Variants in MAP2K5 observed in about 807,000 individuals in gnomAD.
The protein encoded by MAP2K5 is dual specificity mitogen-activated protein kinase kinase 5.
In MAP2K5, 49 loss-of-function variants were observed where a neutral mutation model predicts 83.1. The observed-to-expected ratio is 0.59, with a 90% CI of 0.47 to 0.75. The LOEUF is 0.75. Ranked by LOEUF, MAP2K5 falls within the 30% of genes least tolerant of loss-of-function variation. The pLI is 0.00. For missense variants in MAP2K5, 457 were observed against 557.5 expected (o/e 0.82, Z 1.82); for synonymous variants, 202 against 191.8 (o/e 1.05, Z -0.44).
At position 67,732,959 on chromosome 15, in the gene MAP2K5, AG is replaced by A. The variant is rs537481757; in HGVS notation, c.1074+5021del. ...CTTGTAAGCAGATAGCTCTGTGGGG[AG>A]GGGGGGCTTAACAGCGACTGTGGGC... On this transcript the variant is annotated intron_variant, in intron 17 of 21. Transcript: ENST00000178640. Among the ~76,000 whole-genome samples the A allele has an allele frequency of 2.1e-4, 32 of 151,992 alleles. No homozygotes were observed. The East Asian group carries it at 4.8e-3, about 23-fold the overall frequency.
intron 7 of MAP2K5, among the ~76,000 whole-genome samples, chr15:67,597,520 A>AT (rs1004905551): frequency 5.9e-5 from 9 of 152,328 alleles, no homozygotes; most frequent in African/African-American, 1.2e-4. Flanking sequence ...AATTTCTGTG[A>AT]TTTTTTAAAT....
intron 16 of MAP2K5, among the ~76,000 whole-genome samples, chr15:67,714,676 A>G (rs1174310889): frequency 6.6e-6 from 1 of 152,148 alleles, no homozygotes; most frequent in Non-Finnish European, 1.5e-5. Flanking sequence ...TTTAGTTTCA[A>G]GAATGTGAGT....
intron 6 of MAP2K5, among the ~76,000 whole-genome samples, chr15:67,589,003 T>C (rs935358739): frequency 2.0e-5 from 3 of 151,882 alleles, no homozygotes; most frequent in Non-Finnish European, 4.4e-5. Flanking sequence ...TTTATTTTTT[T>C]AAATTTTTTT....
At position 67,757,238 on chromosome 15, in the gene MAP2K5, C is replaced by G. The variant is rs1006962806; in HGVS notation, c.1134+8637C>G. Among the ~76,000 whole-genome samples, 1 of 152,098 alleles carries G rather than the reference C, an allele frequency of 6.6e-6. No homozygotes were observed. The highest frequency in any genetic ancestry group is 1.5e-5 in the Non-Finnish European group (1 of 68,020). ...CTTTTGACTTTTTTGTAATAGCCAT[C>G]CTAACAAAATGTGAGGTGACATTTC... On this transcript the variant is annotated intron_variant, in intron 19 of 21. Coordinates refer to ENST00000178640, the MANE Select transcript of MAP2K5 (RefSeq NM_145160.3). The surrounding 1 kb of genome is among the most constrained non-coding windows in gnomAD (Gnocchi z 4.9).
Position 67,790,845 on chromosome 15 carries a change from A to T in MAP2K5, c.1243-15801A>T, listed in dbSNP as rs2090503804. On this transcript the variant is annotated intron_variant, in intron 21 of 21. Transcript: ENST00000178640. This position sits in a 1 kb window ranked among gnomAD's most constrained non-coding sequence, Gnocchi z 4.6. ...TGATAAGTACTGCAAAATTTAGGCC[A>T]CTGATAGTTATGACTATGGAACTGC... Among the ~76,000 whole-genome samples, 1 of 152,198 alleles carries T rather than the reference A, an allele frequency of 6.6e-6. No individual in the cohort carries two copies. Among genetic ancestry groups the T allele is most frequent in the South Asian group, 2.1e-4 (1 of 4,832 alleles).
chr15:67,763,077 A>G (rs2089979950), intron 19 of MAP2K5, among the ~76,000 whole-genome samples: 1 of 152,176 alleles, frequency 6.6e-6, no homozygotes, highest in Non-Finnish European at 1.5e-5. Context: ...GTGGAGTAGG[A>G]TGAGTAAAAG....
intron 21 of MAP2K5, among the ~76,000 whole-genome samples, chr15:67,804,289 A>T (rs1178213150): frequency 2.6e-5 from 4 of 152,198 alleles, no homozygotes; most frequent in Non-Finnish European, 5.9e-5. Flanking sequence ...GGTCCCCTCC[A>T]TGTCTGTCCC....
At chr15:67,721,258 C>T (rs1009517984) in intron 16 of MAP2K5, among the ~76,000 whole-genome samples, 1 of 152,022 alleles carries the variant, frequency 6.6e-6, no homozygotes, top group African/African-American at 2.4e-5. Flanking sequence ...AATGCAGAAC[C>T]TTCTGAATGG....
chr15:67,683,805 G>A (rs910644511), intron 13 of MAP2K5, among the ~76,000 whole-genome samples: 3 of 152,140 alleles, frequency 2.0e-5, no homozygotes, highest in African/African-American at 7.2e-5. Flanking sequence ...TTCTACTTCT[G>A]CCCATGGAGT....
chr15:67,761,446 G>A (rs1473645990), intron 19 of MAP2K5, among the ~76,000 whole-genome samples: 2 of 152,192 alleles, frequency 1.3e-5, no homozygotes, highest in Admixed American at 1.3e-4. Context: ...AAATGTGTAA[G>A]CAAATAAAGC....
At chr15:67,683,202 G>C (rs1372816540) in intron 13 of MAP2K5, among the ~76,000 whole-genome samples, 1 of 152,144 alleles carries the variant, frequency 6.6e-6, no homozygotes, top group Non-Finnish European at 1.5e-5. Flanking sequence ...AATAAGTTCA[G>C]TGGCTATATA....
At chr15:67,564,742 C>T (rs544667321) in intron 3 of MAP2K5, among the ~76,000 whole-genome samples, 6 of 152,312 alleles carry the variant, frequency 3.9e-5, no homozygotes, top group South Asian at 2.1e-4. Flanking sequence ...GGCTAACTCT[C>T]CTGAGAATGT....
At position 67,638,942 on chromosome 15, in the gene MAP2K5, T is replaced by C. The variant is rs190030467; in HGVS notation, c.586-7289T>C. 6.6e-6 allele frequency among the ~76,000 whole-genome samples: 1 copy of C among 152,180 alleles called. No individual in the cohort carries two copies. On this transcript the variant is annotated intron_variant, in intron 9 of 21. Coordinates refer to ENST00000178640, the MANE Select transcript of MAP2K5 (RefSeq NM_145160.3). The surrounding 1 kb of genome is among the most constrained non-coding windows in gnomAD (Gnocchi z 4.5). ...GTTGTCTTTTTCTTACAAATTTGTA[T>C]AGACCCCTTCCTTATACCCCTTTAC... is the stretch of plus-strand genomic sequence containing the variant.
In MAP2K5 at chr15:67,555,874, C is replaced by T. The variant is rs1030315267; in HGVS notation, c.184+5792C>T. On this transcript the variant is annotated intron_variant, in intron 2 of 21. Transcript: ENST00000178640. This position sits in a 1 kb window ranked among gnomAD's most constrained non-coding sequence, Gnocchi z 5.2. ...TCTCGGCTCACTGCAACCTCCACCT[C>T]AGGGGTTCAAGCGATTCTCCTGCCT... Among the ~76,000 whole-genome samples, 3 of 151,158 alleles carry T rather than the reference C, an allele frequency of 2.0e-5. No individual in the cohort carries two copies. Among genetic ancestry groups the T allele is most frequent in the African/African-American group, 7.3e-5 (3 of 41,034 alleles).
chr15:67,784,014 A>G (rs2090372563), intron 21 of MAP2K5, among the ~76,000 whole-genome samples: 1 of 152,234 alleles, frequency 6.6e-6, no homozygotes, highest in African/African-American at 2.4e-5. Flanking sequence ...AGATGAATCC[A>G]GAAAGGATCC....
rs1008762434 is a variant in MAP2K5, at chr15:67,573,895, G to C, written c.253-6859G>C. Among the ~76,000 whole-genome samples, 2 of 152,002 alleles carry C rather than the reference G, an allele frequency of 1.3e-5. No homozygotes were observed. The highest frequency in any genetic ancestry group is 4.8e-5 in the African/African-American group (2 of 41,378). On this transcript the variant is annotated intron_variant, in intron 3 of 21. Transcript: ENST00000178640. The surrounding 1 kb of genome is among the most constrained non-coding windows in gnomAD (Gnocchi z 4.2). ...TAGTGCAGCGCATCTCCTCCATATG[G>C]TTTTTTGCTTTGTTATTTTACATAT...
At chr15:67,624,278 G>A (rs1268068567) in intron 8 of MAP2K5, among the ~76,000 whole-genome samples, 1 of 146,828 alleles carries the variant, frequency 6.8e-6, no homozygotes, top group Non-Finnish European at 1.5e-5. Context: ...AGCGGAGCTG[G>A]CAGTGAGCCG....
chr15:67,623,012 G>A lies in MAP2K5; in HGVS notation c.546-7876G>A, dbSNP rs568884477. ...AGCTACTCGGGAGGCTGAGGTGGGAGTATGGCGTGAACCCGGGATTTGGAG... is the reference window on the plus strand; with the variant it reads ...AGCTACTCGGGAGGCTGAGGTGGGAATATGGCGTGAACCCGGGATTTGGAG... On this transcript the variant is annotated intron_variant, in intron 8 of 21. Transcript: ENST00000178640. 1.6e-3 allele frequency among the ~76,000 whole-genome samples: 237 copies of A among 152,334 alleles called. 1 individual carries two copies. Among genetic ancestry groups the A allele is most frequent in the African/African-American group, 5.3e-3 (221 of 41,578 alleles).
At chr15:67,723,981 A>G (rs762429021) in intron 16 of MAP2K5, among the ~76,000 whole-genome samples, 8 of 152,246 alleles carry the variant, frequency 5.3e-5, no homozygotes, top group Non-Finnish European at 1.2e-4. Context: ...TTAAGAAAAT[A>G]CAGTGCAACT....
Sources: gnomAD v4.1 joint callset for allele counts (sites outside exome capture counted in the v4.1 genomes callset) on GRCh38, gnomAD v4.1.1 for gene constraint, Gnocchi (gnomAD v3.1) non-coding constraint, MANE v1.5 for transcripts, NCBI Gene and HGNC (gene_info 2026-07-23, HGNC 2026-07-21) for gene names.